ZNF385D: variants seen among roughly 807,000 people sequenced by gnomAD.
The protein encoded by ZNF385D is zinc finger protein 385D.
A neutral mutation model predicts 35.8 loss-of-function variants in ZNF385D; 15 were observed. The ratio of observed to expected loss-of-function variants is 0.42; its 90% CI spans 0.28 to 0.64. The LOEUF is 0.64. Among genes scored for constraint, ZNF385D ranks in the 30% least tolerant of loss-of-function variants. The probability of loss-of-function intolerance (pLI) is 0.23; values close to 1 mark genes in which losing one functional copy is unlikely to be tolerated. For missense variants in ZNF385D, 474 were observed against 494.6 expected (o/e 0.96, Z 0.39); for synonymous variants, 212 against 186.8 (o/e 1.13, Z -1.10).
intron 1 of ZNF385D, among the ~76,000 whole-genome samples, chr3:21,744,504 C>T (rs2069670425): frequency 6.6e-6 from 1 of 152,176 alleles, no homozygotes. Flanking sequence ...CCTTCCTAAA[C>T]ATTTTCAGCT....
intron 5 of ZNF385D, among the ~76,000 whole-genome samples, chr3:21,431,452 CT>C (rs1701288940): frequency 1.3e-5 from 2 of 152,150 alleles, no homozygotes; most frequent in African/African-American, 4.8e-5. Flanking sequence ...TATTCCATAT[CT>C]ATACAAATGT....
At chr3:22,133,654 G>A (rs1703935574) in intron 3 of ZNF385D, 1 of 151,708 alleles carries the variant, frequency 6.6e-6, no homozygotes, top group African/African-American at 2.4e-5. Context: ...CTACTACATA[G>A]AACTGAAAAC....
chr3:21,519,476 C>T (rs1397561751), intron 3 of ZNF385D, among the ~76,000 whole-genome samples: 1 of 152,158 alleles, frequency 6.6e-6, no homozygotes, highest in Admixed American at 6.6e-5. Flanking sequence ...TTGAGAGTTA[C>T]TGCCTGGTTC....
intron 2 of ZNF385D, among the ~76,000 whole-genome samples, chr3:21,636,380 A>T (rs1444732399): frequency 2.3e-3 from 32 of 13,674 alleles, no homozygotes; most frequent in Middle Eastern, 0.024. Context: ...ATATATGATT[A>T]TATATATATA....
chr3:21,870,050 CTCAT>C (rs1697603039), intron 3 of ZNF385D, among the ~76,000 whole-genome samples: 1 of 151,808 alleles, frequency 6.6e-6, no homozygotes, highest in South Asian at 2.1e-4. Flanking sequence ...AATCCTCATT[CTCAT>C]TGTTAAATTT....
chr3:21,703,903 G>A (rs2067797074), intron 1 of ZNF385D, among the ~76,000 whole-genome samples: 1 of 152,136 alleles, frequency 6.6e-6, no homozygotes, highest in Non-Finnish European at 1.5e-5. Flanking sequence ...CTAGCACTAT[G>A]CAAGTATTCC....
At chr3:22,083,371 C>T (rs1003117466) in intron 3 of ZNF385D, among the ~76,000 whole-genome samples, 5 of 152,144 alleles carry the variant, frequency 3.3e-5, no homozygotes, top group African/African-American at 7.2e-5. Context: ...GAATAAACAG[C>T]ATAGAGAAGA....
intron 2 of ZNF385D, among the ~76,000 whole-genome samples, chr3:22,229,472 T>C (rs910797776): frequency 1.3e-5 from 2 of 152,216 alleles, no homozygotes; most frequent in African/African-American, 2.4e-5. Context: ...ATTGATATTG[T>C]TGGCTGTTTT....
At chr3:22,062,423 C>T (rs1447978880) in intron 3 of ZNF385D, among the ~76,000 whole-genome samples, 2 of 152,206 alleles carry the variant, frequency 1.3e-5, no homozygotes, top group East Asian at 3.9e-4. Context: ...CTTTATAACA[C>T]TTTAAATGAG....
intron 3 of ZNF385D, among the ~76,000 whole-genome samples, chr3:21,776,360 C>A (rs1188096948): frequency 1.3e-5 from 2 of 151,858 alleles, no homozygotes; most frequent in East Asian, 1.9e-4. Context: ...CTCAAAAGAT[C>A]GTGCCAATTT....
At chr3:22,290,077 T>G (rs1702222888) in intron 2 of ZNF385D, among the ~76,000 whole-genome samples, 1 of 152,160 alleles carries the variant, frequency 6.6e-6, no homozygotes. Flanking sequence ...TACATTGTTT[T>G]GTGTTCTAGG....
chr3:21,605,587 T>G (rs2064455293), intron 2 of ZNF385D, among the ~76,000 whole-genome samples: 1 of 152,210 alleles, frequency 6.6e-6, no homozygotes, highest in Non-Finnish European at 1.5e-5. Flanking sequence ...AAAAGGGATC[T>G]CTGCCTCTTC....
chr3:22,230,917 C>A (rs1185558050), intron 2 of ZNF385D, among the ~76,000 whole-genome samples: 1 of 152,082 alleles, frequency 6.6e-6, no homozygotes, highest in Non-Finnish European at 1.5e-5. Flanking sequence ...GAAAATTCTA[C>A]AGTTTCAGGG....
chr3:21,740,087 C>T (rs776287700), intron 1 of ZNF385D, among the ~76,000 whole-genome samples: 14 of 152,106 alleles, frequency 9.2e-5, no homozygotes, highest in Admixed American at 2.0e-4. Context: ...TGTTTTGACA[C>T]GGGAAGTCCA....
chr3:21,978,313 G>T (rs1384952727), intron 3 of ZNF385D: 1 of 152,176 alleles, frequency 6.6e-6, no homozygotes, highest in African/African-American at 2.4e-5. Context: ...ATCAATGTTT[G>T]CTGTCTATCT....
At chr3:21,568,280 G>A (rs2063217771) in intron 2 of ZNF385D, among the ~76,000 whole-genome samples, 1 of 152,080 alleles carries the variant, frequency 6.6e-6, no homozygotes, top group Non-Finnish European at 1.5e-5. Context: ...GTTATAAATA[G>A]TTAATTAAAT....
chr3:22,042,200 T>G (rs1400408395), intron 3 of ZNF385D, among the ~76,000 whole-genome samples: 1 of 152,098 alleles, frequency 6.6e-6, no homozygotes, highest in African/African-American at 2.4e-5. Flanking sequence ...TCACTAGTTA[T>G]GAAACTGGGA....
intron 3 of ZNF385D, among the ~76,000 whole-genome samples, chr3:22,040,836 A>C (rs1698622084): frequency 1.3e-5 from 2 of 152,206 alleles, no homozygotes; most frequent in Admixed American, 1.3e-4. Flanking sequence ...ATACAAAGGC[A>C]ATAAATATCA....
intron 3 of ZNF385D, among the ~76,000 whole-genome samples, chr3:21,794,868 T>A (rs186567864): frequency 1.2e-3 from 184 of 152,310 alleles, no homozygotes; most frequent in African/African-American, 4.1e-3. Flanking sequence ...CTGAGCTTCA[T>A]CTGAACATTG....
Sources: gnomAD v4.1 joint callset for allele counts (sites outside exome capture counted in the v4.1 genomes callset) on GRCh38, gnomAD v4.1.1 for gene constraint, MANE v1.5 for transcripts, NCBI Gene and HGNC (gene_info 2026-07-23, HGNC 2026-07-21) for gene names.